Variants in SNTG1 observed in about 807,000 individuals in gnomAD.
SNTG1 encodes the protein syntrophin gamma 1, also known as gamma-1-syntrophin.
Under a neutral mutation model 74.7 loss-of-function variants are expected in SNTG1, and 39 were observed. The ratio of observed to expected loss-of-function variants is 0.52; its 90% confidence interval spans 0.40 to 0.68. The LOEUF (loss-of-function observed/expected upper bound fraction) is 0.68, where lower values mean the gene tolerates loss of function less well. SNTG1 is among the 30% of genes least tolerant of loss of function. The pLI, the probability that SNTG1 is intolerant of heterozygous loss-of-function variation, is 0.00. For missense variants in SNTG1, 685 were observed against 609.5 expected, an observed-to-expected ratio of 1.12 and a Z score of -1.30; for synonymous variants, 254 against 217.1, an observed-to-expected ratio of 1.17 and a Z score of -1.49.
chr8:50,161,431 GTT>G (rs1048581207), intron 1 of SNTG1, among the ~76,000 whole-genome samples: 3 of 152,212 alleles, frequency 2.0e-5, no homozygotes, highest in Non-Finnish European at 4.4e-5. Flanking sequence ...ACGAAGTTCA[GTT>G]TCATGGCTTG....
chr8:49,910,785 CTTTGCT>C (rs1805539774), upstream of SNTG1: 2 of 152,288 alleles, frequency 1.3e-5, no homozygotes, highest in Middle Eastern at 3.2e-3. Flanking sequence ...GTAAATTGGG[CTTTGCT>C]CTGGCTTTAC....
chr8:50,677,716 T>C (rs2095314789), intron 15 of SNTG1, among the ~76,000 whole-genome samples: 1 of 152,018 alleles, frequency 6.6e-6, no homozygotes, highest in African/African-American at 2.4e-5. Flanking sequence ...GAAGCCCAGA[T>C]GTCATCTCCT....
At chr8:50,099,497 G>T (rs2080046255) in intron 1 of SNTG1, among the ~76,000 whole-genome samples, 1 of 152,012 alleles carries the variant, frequency 6.6e-6, no homozygotes, top group Non-Finnish European at 1.5e-5. Context: ...CCTTTCTTTT[G>T]GATAGATATC....
chr8:50,034,973 A>G (rs1398507054), intron 1 of SNTG1, among the ~76,000 whole-genome samples: 1 of 152,168 alleles, frequency 6.6e-6, no homozygotes, highest in Non-Finnish European at 1.5e-5. Flanking sequence ...AGCGGGATGA[A>G]CAGAGGTTCC....
At chr8:50,334,019 C>T (rs2130894818) in intron 2 of SNTG1, among the ~76,000 whole-genome samples, 1 of 152,284 alleles carries the variant, frequency 6.6e-6, no homozygotes, top group African/African-American at 2.4e-5. Flanking sequence ...GCTTCAGCCT[C>T]CCAAGTAGCT....
At chr8:50,758,597 T>C (rs186255620) in intron 18 of SNTG1, among the ~76,000 whole-genome samples, 1 of 152,214 alleles carries the variant, frequency 6.6e-6, no homozygotes, top group African/African-American at 2.4e-5. Flanking sequence ...CTTGTGTTAC[T>C]TTGCTGAGAA....
At chr8:50,100,506 G>A (rs1034447372) in intron 1 of SNTG1, among the ~76,000 whole-genome samples, 2 of 152,022 alleles carry the variant, frequency 1.3e-5, no homozygotes, top group African/African-American at 4.8e-5. Context: ...TGCACTGTAT[G>A]TATCAAAACA....
intron 2 of SNTG1, among the ~76,000 whole-genome samples, chr8:50,276,373 T>TTATATATATATATATATA (rs6150576): frequency 1.4e-5 from 2 of 143,454 alleles, no homozygotes; most frequent in African/African-American, 2.7e-5. Flanking sequence ...CAAGTAAATT[T>TTATATATATATATATATA]TATATATATA....
At chr8:50,753,310 T>G (rs2095572229) in intron 18 of SNTG1, among the ~76,000 whole-genome samples, 1 of 152,038 alleles carries the variant, frequency 6.6e-6, no homozygotes, top group Non-Finnish European at 1.5e-5. Context: ...AAAGAATGCA[T>G]TACTCTTGTC....
chr8:50,523,872 G>A (rs2094199625), intron 9 of SNTG1, among the ~76,000 whole-genome samples: 1 of 152,134 alleles, frequency 6.6e-6, no homozygotes, highest in South Asian at 2.1e-4. Context: ...CGAGCAAAAT[G>A]TAATAAAATG....
chr8:50,190,852 G>A (rs1262803438), intron 2 of SNTG1, among the ~76,000 whole-genome samples: 1 of 152,044 alleles, frequency 6.6e-6, no homozygotes, highest in East Asian at 1.9e-4. Context: ...TCTTTCAGTA[G>A]GTGAAGCAAA....
chr8:50,656,915 T>C lies in SNTG1; in HGVS notation c.856T>C (p.Tyr286His). The C allele has an allele frequency of 6.2e-7, 1 of 1,603,416 alleles. No homozygotes were observed. Among genetic ancestry groups the C allele is most frequent in the East Asian group, 2.3e-5 (1 of 44,086 alleles). Residue 286 changes from tyrosine (Y) to histidine (H), a missense_variant, in exon 14 of 19, where the codon TAC becomes CAC. Tyr to His is a moderately conservative substitution (Grantham distance 83). Coordinates refer to ENST00000642720, the MANE Select transcript of SNTG1 (RefSeq NM_018967.5). ...GTATTCCATTTTCTTGCAGATTGTC[T>C]ACATGGGCTGGTGTGAAGCCCGGGA... ...RNFPVNQQIV[Y>H]MGWCEAREQD...
At chr8:50,660,537 AGG>A (rs1337301626) in intron 15 of SNTG1, among the ~76,000 whole-genome samples, 51 of 123,310 alleles carry the variant, frequency 4.1e-4, no homozygotes, top group African/African-American at 2.2e-3. Context: ...GAAGGAAGGA[AGG>A]AAAGAAAACT....
intron 18 of SNTG1, among the ~76,000 whole-genome samples, chr8:50,786,899 G>T (rs555951103): frequency 3.2e-4 from 49 of 151,700 alleles, no homozygotes; most frequent in African/African-American, 1.1e-3. Context: ...GAAAACATGG[G>T]ATTAAATTTT....
At chr8:50,493,745 TA>T (rs1312256515) in intron 8 of SNTG1, among the ~76,000 whole-genome samples, 4 of 150,682 alleles carry the variant, frequency 2.7e-5, no homozygotes, top group African/African-American at 7.3e-5. Flanking sequence ...ATATATATAA[TA>T]TTTTTTACTT....
At chr8:50,525,933 G>GA (rs1485601701) in intron 9 of SNTG1, among the ~76,000 whole-genome samples, 3 of 151,442 alleles carry the variant, frequency 2.0e-5, no homozygotes, top group African/African-American at 4.9e-5. Context: ...TTGTGAATTT[G>GA]AAAAAATCAG....
At chr8:49,919,464 C>T (rs1350000186) in intron 1 of SNTG1, among the ~76,000 whole-genome samples, 2 of 152,070 alleles carry the variant, frequency 1.3e-5, no homozygotes, top group Non-Finnish European at 2.9e-5. Context: ...GAAGAATCTA[C>T]CCAAGATTTC....
At chr8:50,562,509 C>A (rs540008387) in intron 12 of SNTG1, among the ~76,000 whole-genome samples, 1 of 152,266 alleles carries the variant, frequency 6.6e-6, no homozygotes, top group African/African-American at 2.4e-5. Context: ...TCTAGAGCCT[C>A]CAGAAAGCAG....
At position 50,281,544 on chromosome 8, in the gene SNTG1, G is replaced by A. The variant is rs577495291; in HGVS notation, c.-28+108909G>A. 5.9e-5 allele frequency among the ~76,000 whole-genome samples: 9 copies of A among 152,276 alleles called. No individual in the cohort carries two copies. The East Asian group carries it at 1.5e-3, about 26-fold the overall frequency. The stretch of plus-strand genomic sequence containing the variant: ...AAGACAGTTTTGTTTTTAGTGATTT[G>A]AAGTCAGAAGAGTGAGAGCAAATGA... On this transcript the variant is annotated intron_variant, in intron 2 of 18. Transcript: ENST00000642720.
Sources: gnomAD v4.1 joint callset for allele counts (sites outside exome capture counted in the v4.1 genomes callset) on GRCh38, gnomAD v4.1.1 for gene constraint, MANE v1.5 for transcripts, NCBI Gene and HGNC (gene_info 2026-07-23, HGNC 2026-07-21) for gene names.